Variants in IL1RAPL1 observed in about 807,000 individuals in gnomAD.
IL1RAPL1 encodes interleukin 1 receptor accessory protein like 1, also known as interleukin-1 receptor accessory protein-like 1.
In IL1RAPL1, 3 loss-of-function variants were observed where a neutral mutation model predicts 48.4. That is an observed-to-expected ratio of 0.06 (90% CI 0.03 to 0.16). IL1RAPL1 has a LOEUF of 0.16. IL1RAPL1 is among the 10% of genes least tolerant of loss of function. The probability of loss-of-function intolerance (pLI) is 1.00; values close to 1 mark genes in which losing one functional copy is unlikely to be tolerated. For missense variants in IL1RAPL1, 349 were observed against 530.6 expected (o/e 0.66, Z 3.36); for synonymous variants, 185 against 187.7 (o/e 0.99, Z 0.12).
At chrX:29,234,149 C>T (rs182107478) in intron 2 of IL1RAPL1, among the ~76,000 whole-genome samples, 1 of 112,276 alleles carries the variant, frequency 8.9e-6, no homozygotes, top group East Asian at 2.8e-4. Flanking sequence ...CGCACTTGGA[C>T]TCCTGACCCA....
At chrX:29,909,431 AAAACAAAC>A (rs911076118) in intron 6 of IL1RAPL1, among the ~76,000 whole-genome samples, 1 of 110,944 alleles carries the variant, frequency 9.0e-6, no homozygotes, top group African/African-American at 3.3e-5. Context: ...ACCCTATCTC[AAAACAAAC>A]AAACAAACAA....
At chrX:29,525,430 G>A (rs1038587803) in intron 5 of IL1RAPL1, among the ~76,000 whole-genome samples, 12 of 112,159 alleles carry the variant, frequency 1.1e-4, no homozygotes, top group African/African-American at 3.9e-4. Flanking sequence ...TAGAAGGGGG[G>A]CTTTCATCAG....
intron 2 of IL1RAPL1, among the ~76,000 whole-genome samples, chrX:29,280,880 C>T (rs1357917183): frequency 8.9e-6 from 1 of 112,028 alleles, no homozygotes; most frequent in Admixed American, 9.5e-5. Context: ...AAGAGAAAGC[C>T]ATGCAGATGG....
chrX:28,699,259 G>T (rs920078275), intron 1 of IL1RAPL1, among the ~76,000 whole-genome samples: 9 of 112,002 alleles, frequency 8.0e-5, no homozygotes, highest in African/African-American at 2.9e-4. Context: ...TACTTTAAAA[G>T]AGTATGCTTT....
At chrX:29,168,724 T>C (rs1042478580) in intron 2 of IL1RAPL1, among the ~76,000 whole-genome samples, 11 of 85,671 alleles carry the variant, frequency 1.3e-4, no homozygotes, top group African/African-American at 4.1e-4. Flanking sequence ...TGTACAATTG[T>C]ATATATATAT....
intron 2 of IL1RAPL1, among the ~76,000 whole-genome samples, chrX:28,805,920 G>A (rs957154193): frequency 3.6e-5 from 4 of 109,719 alleles, no homozygotes; most frequent in South Asian, 3.9e-4. Context: ...TGCATAATCA[G>A]TACTCAGTAC....
rs767092713 is a variant in IL1RAPL1 at position 29,548,447 on chromosome X, G to A, written c.704-119983G>A. The stretch of plus-strand genomic sequence containing the variant: ...TTGAGTAACTTCATGAAATAAATTA[G>A]AAATATATCTGTTAAATTTACCCAT... On this transcript the variant is annotated intron_variant, in intron 5 of 10. Coordinates refer to ENST00000378993, the MANE Select transcript of IL1RAPL1 (RefSeq NM_014271.4). Among the ~76,000 whole-genome samples the A allele has an allele frequency of 3.6e-5, 4 of 112,186 alleles. No individual in the cohort carries two copies. The South Asian group carries it at 1.5e-3, about 41-fold the overall frequency.
chrX:28,634,371 A>ATATACACGTATGTACACGTATATACG (rs918838043), intron 1 of IL1RAPL1, among the ~76,000 whole-genome samples: 4 of 109,457 alleles, frequency 3.7e-5, no homozygotes, highest in African/African-American at 6.7e-5. Flanking sequence ...GTATATATAC[A>ATATACACGTATGTACACGTATATACG]TATACACGTA....
intron 2 of IL1RAPL1, among the ~76,000 whole-genome samples, chrX:28,898,124 G>A (rs906376226): frequency 1.8e-5 from 2 of 111,426 alleles, no homozygotes; most frequent in Non-Finnish European, 3.8e-5. Flanking sequence ...ATATGTGTAG[G>A]TCACAGGGGA....
intron 6 of IL1RAPL1, among the ~76,000 whole-genome samples, chrX:29,802,832 TATATGTATAC>T (rs1393168712): frequency 3.9e-5 from 3 of 76,111 alleles, no homozygotes; most frequent in Non-Finnish European, 7.1e-5. Context: ...TATGTATACA[TATATGTATAC>T]ATATATGTGT....
At chrX:29,628,531 T>C (rs1924679188) in intron 5 of IL1RAPL1, among the ~76,000 whole-genome samples, 1 of 111,679 alleles carries the variant, frequency 9.0e-6, no homozygotes. Flanking sequence ...CCCCAGTCAC[T>C]ATGCAACTTG....
At position 28,916,700 on chromosome X, in the gene IL1RAPL1, G is replaced by A. The variant is rs1454099413; in HGVS notation, c.82+127275G>A. On this transcript the variant is annotated intron_variant, in intron 2 of 10. Coordinates refer to ENST00000378993, the MANE Select transcript of IL1RAPL1 (RefSeq NM_014271.4). Reference sequence around the variant, plus strand: ...TTATCAGAGGATGCCCATGCAGCTGGTCATTGGAGCAAACTTGGAATACCA... The same window carrying A: ...TTATCAGAGGATGCCCATGCAGCTGATCATTGGAGCAAACTTGGAATACCA... 1.3e-4 allele frequency among the ~76,000 whole-genome samples: 15 copies of A among 112,059 alleles called. No individual in the cohort carries two copies. The Admixed American group carries it at 1.4e-3, about 11-fold the overall frequency.
chrX:29,510,912 T>C (rs1038324306), intron 5 of IL1RAPL1, among the ~76,000 whole-genome samples: 1 of 111,956 alleles, frequency 8.9e-6, no homozygotes, highest in African/African-American at 3.2e-5. Flanking sequence ...GATTTCTTTA[T>C]TAAGCCTGGT....
At chrX:28,789,814 A>G (rs1426006628) in intron 2 of IL1RAPL1, among the ~76,000 whole-genome samples, 1 of 111,909 alleles carries the variant, frequency 8.9e-6, no homozygotes, top group African/African-American at 3.2e-5. Context: ...CTTAGGGAAG[A>G]TTCTTTTCAG....
At chrX:29,026,574 TAAAAG>T in intron 2 of IL1RAPL1, among the ~76,000 whole-genome samples, 1 of 111,582 alleles carries the variant, frequency 9.0e-6, no homozygotes, top group South Asian at 3.7e-4. Flanking sequence ...GAACTTAAAG[TAAAAG>T]AAAAGAAAAT....
intron 3 of IL1RAPL1, among the ~76,000 whole-genome samples, chrX:29,306,471 G>T (rs1162319111): frequency 1.1e-5 from 1 of 89,235 alleles, no homozygotes; most frequent in Non-Finnish European, 2.1e-5. Flanking sequence ...AGAGGTTGCA[G>T]CAAGCCAAGA....
intron 5 of IL1RAPL1, among the ~76,000 whole-genome samples, chrX:29,454,331 G>A (rs1460834159): frequency 8.9e-6 from 1 of 112,098 alleles, no homozygotes; most frequent in African/African-American, 3.2e-5. Context: ...ATATTTTAGT[G>A]TATGTACCTC....
chrX:29,730,683 C>T (rs1927894454), intron 6 of IL1RAPL1, among the ~76,000 whole-genome samples: 1 of 112,104 alleles, frequency 8.9e-6, no homozygotes, highest in African/African-American at 3.2e-5. Flanking sequence ...CAGTCATGAA[C>T]ACTATGCTAC....
intron 2 of IL1RAPL1, among the ~76,000 whole-genome samples, chrX:28,851,543 G>A (rs748089912): frequency 8.1e-5 from 9 of 111,529 alleles, no homozygotes; most frequent in Non-Finnish European, 1.5e-4. Flanking sequence ...AAAAACATCT[G>A]AGAATGCTGA....
Sources: gnomAD v4.1 joint callset for allele counts (sites outside exome capture counted in the v4.1 genomes callset) on GRCh38, gnomAD v4.1.1 for gene constraint, MANE v1.5 for transcripts, NCBI Gene and HGNC (gene_info 2026-07-23, HGNC 2026-07-21) for gene names.